Variants in PLEKHO1 observed in about 807,000 individuals in gnomAD.
PLEKHO1 encodes the protein pleckstrin homology domain containing O1.
PLEKHO1 carries 22 observed loss-of-function variants against 41.4 expected under a neutral mutation model. That is an observed-to-expected ratio of 0.53 (90% confidence interval 0.38 to 0.76). PLEKHO1 has a LOEUF of 0.76. PLEKHO1 is among the 30% of genes least tolerant of loss of function. The pLI is 0.00. For missense variants in PLEKHO1, 488 were observed against 518.3 expected (o/e 0.94, Z 0.57); for synonymous variants, 225 against 210.8 (o/e 1.07, Z -0.58).
chr1:150,156,485 C>T (rs1660176114), intron 3 of PLEKHO1, among the ~76,000 whole-genome samples: 1 of 152,216 alleles, frequency 6.6e-6, no homozygotes, highest in African/African-American at 2.4e-5. Context: ...TGCATATTTA[C>T]ATCCCTTAGA....
intron 2 of PLEKHO1, among the ~76,000 whole-genome samples, chr1:150,151,949 T>G (rs1325298904): frequency 6.6e-6 from 1 of 152,140 alleles, no homozygotes; most frequent in Non-Finnish European, 1.5e-5. Context: ...CCAAAGGCAG[T>G]CAGTATAGCC....
chr1:150,155,858 A>G, intron 2 of PLEKHO1: 1 of 531,758 alleles, frequency 1.9e-6, no homozygotes. Context: ...TTAAACAGAA[A>G]CACACCTTAA....
In PLEKHO1 at chr1:150,159,731, C is replaced by T. The variant is rs1245685324; in HGVS notation, c.*208C>T. ...CCCCTCAGGTTTGAGGAAGTGACCC[C>T]GCAGCAGTAGCAGGAAGTTTTTACC... On this transcript the variant is annotated 3_prime_UTR_variant, in exon 6 of 6. Transcript: ENST00000369124. The T allele has an allele frequency of 1.0e-5, 5 of 481,330 alleles. No homozygotes were observed. The highest frequency in any genetic ancestry group is 3.1e-5 in the East Asian group (1 of 32,498). The allele number at this position is 481,330 out of a possible 1,614,324, so 29.8% of individuals were successfully genotyped here. A position where few individuals can be genotyped will look rare whatever the true frequency, so the allele number is the denominator to read the frequency against.
chr1:150,151,759 G>A (rs1174003024), intron 2 of PLEKHO1, among the ~76,000 whole-genome samples: 1 of 152,238 alleles, frequency 6.6e-6, no homozygotes, highest in African/African-American at 2.4e-5. Context: ...CTTTGGCTGT[G>A]TAGTTAACCA....
rs782768692 is a variant in PLEKHO1, at chr1:150,156,188, C to T, written c.300C>T (p.Ser100=). ...KNHSKFTLAH[S]KQPGNTAPNL... ...ATAGCAAGTTTACTCTTGCCCACTC[C>T]AAACAGCCCGGTAACACGGTATGTT... The change falls in exon 3 of 6, where the codon TCC becomes TCT. Residue 100 remains serine, a synonymous_variant. Coordinates refer to ENST00000369124, the MANE Select transcript of PLEKHO1 (RefSeq NM_016274.6). 1 of 1,613,844 alleles carries T rather than the reference C, an allele frequency of 6.2e-7. No individual in the cohort carries two copies. Among genetic ancestry groups the T allele is most frequent in the Non-Finnish European group, 8.5e-7 (1 of 1,179,896 alleles).
At chr1:150,154,003 C>A (rs1660065024) in intron 2 of PLEKHO1, 1 of 152,260 alleles carries the variant, frequency 6.6e-6, no homozygotes, top group Admixed American at 6.5e-5. Flanking sequence ...CTACTGCTTG[C>A]CTCACCCCAT....
intron 1 of PLEKHO1, 86 bp from the exon 2 acceptor site, chr1:150,150,826 C>G (rs1392730127): frequency 1.5e-6 from 2 of 1,313,162 alleles, no homozygotes; most frequent in Non-Finnish European, 2.2e-6. Flanking sequence ...GAGACTGGGC[C>G]GCCGAGGCGG....
At chr1:150,151,138 C>T in intron 2 of PLEKHO1, 80 bp downstream of exon 2, 1 of 1,527,294 alleles carries the variant, frequency 6.5e-7, no homozygotes, top group Non-Finnish European at 9.0e-7. Flanking sequence ...CTAGCTTACT[C>T]CACCCCCGTT....
chr1:150,156,170 G>A lies in PLEKHO1; in HGVS notation c.282G>A (p.Lys94=). ...SKSRSKKNHS[K]FTLAHSKQPG... is the part of the protein sequence containing the mutation. ...GCAGGAGCAAGAAAAATCATAGCAA[G>A]TTTACTCTTGCCCACTCCAAACAGC... Residue 94 remains lysine (K), a synonymous_variant, in exon 3 of 6, where the codon AAG becomes AAA. Transcript: ENST00000369124. 6.2e-7 allele frequency: 1 copy of A among 1,614,006 alleles called. No homozygotes were observed. Among genetic ancestry groups the A allele is most frequent in the Non-Finnish European group, 8.5e-7 (1 of 1,179,956 alleles).
rs782546778 is a variant in PLEKHO1 at position 150,150,995 on chromosome 1, G to A, written c.114G>A (p.Arg38=). The A allele has an allele frequency of 1.9e-6, 3 of 1,614,180 alleles. No homozygotes were observed. The highest frequency in any genetic ancestry group is 2.2e-5 in the South Asian group (2 of 91,088). ...AATTCTGCGGGAAAGGGATTTTCAG[G>A]GAGATTTGGAAAAACCGCTATGTGG... ...VRKFCGKGIF[R]EIWKNRYVVL... The change falls in exon 2 of 6, where the codon AGG becomes AGA. Residue 38 remains arginine, a synonymous_variant. Transcript: ENST00000369124.
Position 150,159,628 on chromosome 1 carries a change from G to A in PLEKHO1, c.*105G>A, listed in dbSNP as rs1339182697. On this transcript the variant is annotated 3_prime_UTR_variant, in exon 6 of 6. Coordinates refer to ENST00000369124, the MANE Select transcript of PLEKHO1 (RefSeq NM_016274.6). ...TCAATCAAAAAAAGAAAACAAAAAT[G>A]AACTCATTGCTCTTGCTGATGCCTG... The A allele has an allele frequency of 7.8e-6, 6 of 773,014 alleles. No homozygotes were observed. The highest frequency in any genetic ancestry group is 5.9e-5 in the Admixed American group (2 of 34,088). 47.9% of individuals were successfully genotyped at this position (773,014 alleles called of 1,614,324 possible).
chr1:150,158,786 A>T, intron 5 of PLEKHO1, 33 bp from the exon 6 acceptor site: 1 of 1,307,944 alleles, frequency 7.6e-7, no homozygotes, highest in Non-Finnish European at 1.1e-6. Context: ...TCCTGATGAC[A>T]GGTTCCCCAC....
intron 1 of PLEKHO1, chr1:150,150,655 G>A: frequency 2.2e-6 from 1 of 464,732 alleles, no homozygotes; most frequent in South Asian, 2.4e-5. Flanking sequence ...AGGGAACCTG[G>A]GAGCCTCTCC....
Position 150,159,162 on chromosome 1 carries a change from G to A in PLEKHO1, c.869G>A (p.Arg290Gln), listed in dbSNP as rs782023744. The change falls in exon 6 of 6, where the codon CGG becomes CAG. Residue 290 changes from arginine to glutamine, a missense_variant. By Grantham distance (43) the Arg-to-Gln change is conservative. Coordinates refer to ENST00000369124, the MANE Select transcript of PLEKHO1 (RefSeq NM_016274.6). ...GCCTCTGCCCGCACCCTCCAGCTGC[G>A]GGCTGAGGAACCCCCAACCCCTGCC... is the stretch of plus-strand genomic sequence containing the variant. ...DAASARTLQLRAEEPPTPALP... is the reference protein window; with the variant it reads ...DAASARTLQLQAEEPPTPALP... 33 of 1,611,090 alleles carry A rather than the reference G, an allele frequency of 2.0e-5. No individual in the cohort carries two copies. In the East Asian group the frequency reaches 4.2e-4, roughly 21 times the overall value.
Position 150,159,640 on chromosome 1 carries a change from C to G in PLEKHO1, c.*117C>G. The stretch of plus-strand genomic sequence containing the variant: ...AGAAAACAAAAATGAACTCATTGCT[C>G]TTGCTGATGCCTGACCCCACTACAA... On this transcript the variant is annotated 3_prime_UTR_variant, in exon 6 of 6. Transcript: ENST00000369124. 1.4e-6 allele frequency: 1 copy of G among 699,082 alleles called. No individual in the cohort carries two copies. The highest frequency in any genetic ancestry group is 2.4e-6 in the Non-Finnish European group (1 of 419,722). 43.3% of individuals were successfully genotyped at this position (699,082 alleles called of 1,614,324 possible).
chr1:150,150,886 C>T, intron 1 of PLEKHO1, 26 bp from the exon 2 acceptor site: 1 of 1,610,680 alleles, frequency 6.2e-7, no homozygotes, highest in South Asian at 1.1e-5. Flanking sequence ...TCCTAACCGC[C>T]CGCTTCTCAT....
At chr1:150,154,628 A>G (rs1342160062) in intron 2 of PLEKHO1, 3 of 152,236 alleles carry the variant, frequency 2.0e-5, no homozygotes, top group African/African-American at 4.8e-5. Flanking sequence ...GTTCACCTCC[A>G]TGCACACGAG....
intron 4 of PLEKHO1, 128 bp from the exon 5 acceptor site, chr1:150,157,257 G>A (rs1455391882): frequency 4.1e-5 from 32 of 783,840 alleles, no homozygotes; most frequent in Non-Finnish European, 5.7e-5. Flanking sequence ...AGCCCCCTTC[G>A]TGTCCAGTAA....
intron 2 of PLEKHO1, among the ~76,000 whole-genome samples, chr1:150,153,210 C>G (rs1660025511): frequency 6.6e-6 from 1 of 152,110 alleles, no homozygotes; most frequent in African/African-American, 2.4e-5. Context: ...TTTTTAGAGA[C>G]AGGGTCTCAC....
Sources: gnomAD v4.1 joint callset for allele counts (sites outside exome capture counted in the v4.1 genomes callset) on GRCh38, gnomAD v4.1.1 for gene constraint, MANE v1.5 for transcripts, NCBI Gene and HGNC (gene_info 2026-07-23, HGNC 2026-07-21) for gene names.